Variants in RNF213 observed in about 807,000 individuals in gnomAD.
RNF213 encodes the protein ring finger protein 213, also known as E3 ubiquitin-protein ligase RNF213.
Under a neutral mutation model 514.4 loss-of-function variants are expected in RNF213, and 341 were observed. The observed-to-expected ratio is 0.66, with a 90% CI of 0.61 to 0.73. The LOEUF (loss-of-function observed/expected upper bound fraction) is 0.73, where lower values mean the gene tolerates loss of function less well. RNF213 is among the 30% of genes least tolerant of loss of function. The pLI, the probability that RNF213 is intolerant of heterozygous loss-of-function variation, is 0.00. For missense variants in RNF213, 5,767 were observed against 6,615.6 expected (o/e 0.87, Z 4.45); for synonymous variants, 2,655 against 2,658.2 (o/e 1.00, Z 0.04).
intron 3 of RNF213, among the ~76,000 whole-genome samples, chr17:80,280,480 G>T (rs957180716): frequency 1.3e-4 from 20 of 152,166 alleles, no homozygotes; most frequent in Non-Finnish European, 2.5e-4. Context: ...TTGAGGCAGG[G>T]TCTCGCCCTG....
chr17:80,352,468 G>A (rs572322791), intron 32 of RNF213: 3 of 451,756 alleles, frequency 6.6e-6, no homozygotes, highest in African/African-American at 3.9e-5. Flanking sequence ...GGCGGGGGTC[G>A]GACTATCTTC....
In RNF213 at chr17:80,389,358, C is replaced by T. The variant is rs749897143; in HGVS notation, c.15186C>T (p.His5062=). The change falls in exon 65 of 68, where the codon CAC becomes CAT. Residue 5062 remains histidine, a synonymous_variant. Transcript: ENST00000582970. The part of the protein sequence containing the change: ...DILQMGDQTI[H]VLKALNRCQL... ...TGCAAATGGGTGATCAGACGATTCA[C>T]GTGTTAAAGGTGGGTCTCACACCGA... 6.2e-6 allele frequency: 10 copies of T among 1,613,892 alleles called. No individual in the cohort carries two copies. The Admixed American group carries it at 8.3e-5, about 13-fold the overall frequency.
intron 2 of RNF213, among the ~76,000 whole-genome samples, chr17:80,267,652 G>C (rs2043653895): frequency 6.6e-6 from 1 of 152,126 alleles, no homozygotes; most frequent in Non-Finnish European, 1.5e-5. Flanking sequence ...CTGCAGAGAA[G>C]ATCTTGAAGC....
chr17:80,301,551 A>G (rs55874836), intron 11 of RNF213, among the ~76,000 whole-genome samples: 2,793 of 152,334 alleles, frequency 0.018, 76 homozygotes, highest in African/African-American at 0.063. Flanking sequence ...AAAAATGATC[A>G]GCATCATTAA....
chr17:80,342,744 T>TATAA (rs1491418749), intron 26 of RNF213, among the ~76,000 whole-genome samples: 2 of 145,840 alleles, frequency 1.4e-5, no homozygotes, highest in African/African-American at 2.5e-5. Flanking sequence ...TATATATATA[T>TATAA]TGTATGTATA....
At chr17:80,375,467 C>G (rs566756383) in intron 50 of RNF213, among the ~76,000 whole-genome samples, 1 of 151,642 alleles carries the variant, frequency 6.6e-6, no homozygotes, top group Admixed American at 6.6e-5. Flanking sequence ...TTTGGGAGGC[C>G]GAGGCATGCA....
At chr17:80,280,942 G>C (rs2044234805) in intron 3 of RNF213, among the ~76,000 whole-genome samples, 1 of 152,046 alleles carries the variant, frequency 6.6e-6, no homozygotes, top group African/African-American at 2.4e-5. Flanking sequence ...GTGAGCTGGA[G>C]TTAGGGCACT....
intron 20 of RNF213, among the ~76,000 whole-genome samples, chr17:80,329,957 A>G (rs2046370353): frequency 6.6e-6 from 1 of 152,072 alleles, no homozygotes; most frequent in South Asian, 2.1e-4. Flanking sequence ...CTCTTGCTGG[A>G]ATTCCTGTTA....
At chr17:80,269,225 T>A (rs2043714898) in intron 2 of RNF213, among the ~76,000 whole-genome samples, 1 of 152,138 alleles carries the variant, frequency 6.6e-6, no homozygotes, top group African/African-American at 2.4e-5. Flanking sequence ...GACTCAAATG[T>A]CAGTCTCCTC....
chr17:80,329,055 T>C (rs1041325090), intron 20 of RNF213, among the ~76,000 whole-genome samples: 1 of 152,252 alleles, frequency 6.6e-6, no homozygotes, highest in Non-Finnish European at 1.5e-5. Context: ...TCCTTGAAGA[T>C]CATTGGTTTG....
intron 3 of RNF213, among the ~76,000 whole-genome samples, chr17:80,273,947 C>T (rs1411065991): frequency 6.6e-6 from 1 of 152,084 alleles, no homozygotes; most frequent in Non-Finnish European, 1.5e-5. Context: ...TCTACCAGAC[C>T]CAATACTCGT....
At position 80,306,316 on chromosome 17, in the gene RNF213, C is replaced by T. The variant is rs751673127; in HGVS notation, c.2275C>T (p.Arg759Trp). 5 of 1,614,008 alleles carry T rather than the reference C, an allele frequency of 3.1e-6. No homozygotes were observed. The highest frequency in any genetic ancestry group is 4.2e-6 in the Non-Finnish European group (5 of 1,180,038). The change falls in exon 12 of 68, where the codon CGG becomes TGG. Residue 759 changes from arginine to tryptophan, a missense_variant. This residue lies in a region of RNF213 where 592 missense variants were observed against 673.9 expected (regional missense o/e 0.88). Transcript: ENST00000582970. ...GCTGAGCATAGACGAGCCTCTCTTC[C>T]GGTCCTGGTTTAGTCTGCTACCTCT... Reference protein sequence around the residue: ...HLLSIDEPLFRSWFSLLPLSH... With the variant: ...HLLSIDEPLFWSWFSLLPLSH...
chr17:80,310,823 A>G (rs2045546079), intron 14 of RNF213, among the ~76,000 whole-genome samples: 1 of 152,240 alleles, frequency 6.6e-6, no homozygotes. Context: ...AAGTGCTAGG[A>G]TTACAGGCAT....
intron 46 of RNF213, among the ~76,000 whole-genome samples, chr17:80,370,126 G>C (rs1568147023): frequency 6.6e-6 from 1 of 152,230 alleles, no homozygotes; most frequent in East Asian, 1.9e-4. Context: ...ACAGTGGCGT[G>C]AGGGACATGG....
In RNF213 at chr17:80,340,098, C is replaced by T; in HGVS notation, c.5731C>T (p.Leu1911Phe). 2 of 1,610,398 alleles carry T rather than the reference C, an allele frequency of 1.2e-6. No individual in the cohort carries two copies. The highest frequency in any genetic ancestry group is 2.2e-5 in the East Asian group (1 of 44,742). ...SYEVARQAEE[L>F]FHNLCTQQHR... is the part of the protein sequence containing the mutation. ...CGAGGTGGCACGCCAAGCGGAGGAG[C>T]TTTTCCACAATCTGTGCACGCAGCA... Residue 1911 changes from leucine (L) to phenylalanine (F), a missense_variant, in exon 26 of 68, where the codon CTT becomes TTT. By Grantham distance (22) the Leu-to-Phe change is conservative. Transcript: ENST00000582970.
At chr17:80,325,430 G>A (rs1432401573) in intron 18 of RNF213, among the ~76,000 whole-genome samples, 1 of 152,098 alleles carries the variant, frequency 6.6e-6, no homozygotes, top group Non-Finnish European at 1.5e-5. Context: ...GTACCCTAGC[G>A]ACTGTGCTGG....
Position 80,289,689 on chromosome 17 carries a change from G to C in RNF213, c.964G>C (p.Ala322Pro), listed in dbSNP as rs1320073857. The C allele has an allele frequency of 6.2e-7, 1 of 1,614,074 alleles. No individual in the cohort carries two copies. Among genetic ancestry groups the C allele is most frequent in the East Asian group, 2.2e-5 (1 of 44,884 alleles). Reference sequence around the variant, plus strand: ...TGAGACCAAGACCAAGGACGAGATGGCTGCTGCTGAAGAAAAAGTCGGTAA... The same window carrying C: ...TGAGACCAAGACCAAGGACGAGATGCCTGCTGCTGAAGAAAAAGTCGGTAA... Reference protein sequence around the residue: ...EAETKTKDEMAAAEEKVGKNE... With the variant: ...EAETKTKDEMPAAEEKVGKNE... Residue 322 changes from alanine to proline, a missense_variant, in exon 6 of 68, where the codon GCT becomes CCT. By Grantham distance (27) the Ala-to-Pro change is conservative. Around this residue, in one of 13 missense-constraint regions of RNF213, gnomAD observed 509 missense variants for 496.7 expected, o/e 1.02. Transcript: ENST00000582970.
In RNF213 at chr17:80,263,551, C is replaced by A. The variant is rs2043499516; in HGVS notation, c.-108-23C>A. On this transcript the variant is annotated intron_variant, in intron 1 of 67. Coordinates refer to ENST00000582970, the MANE Select transcript of RNF213 (RefSeq NM_001256071.3). This position sits in a 1 kb window ranked among gnomAD's most constrained non-coding sequence, Gnocchi z 4.9. ...TCCATTAACCAGGGGACCAGCTGGG[C>A]TGCTGTGATTTCACTTTCGCAGAAA... is the stretch of plus-strand genomic sequence containing the variant. 4 of 790,450 alleles carry A rather than the reference C, an allele frequency of 5.1e-6. No homozygotes were observed. Among genetic ancestry groups the A allele is most frequent in the Non-Finnish European group, 9.0e-6 (4 of 446,482 alleles). The allele number at this position is 790,450 out of a possible 1,614,324, so 49.0% of individuals were successfully genotyped here.
rs543462451 is a variant in RNF213, at chr17:80,398,579, G to C, written c.*5081G>C. On this transcript the variant is annotated 3_prime_UTR_variant, in exon 68 of 68. Transcript: ENST00000582970. ...CACCAGTTCCCGTACACAGACACTT[G>C]GTTACAGCTGGTTTTAGACTCCCCA... 6.6e-6 allele frequency: 1 copy of C among 152,184 alleles called. No homozygotes were observed. Among genetic ancestry groups the C allele is most frequent in the East Asian group, 1.9e-4 (1 of 5,162 alleles). 9.4% of individuals were successfully genotyped at this position (152,184 alleles called of 1,614,324 possible).
Sources: gnomAD v4.1 joint callset for allele counts (sites outside exome capture counted in the v4.1 genomes callset) on GRCh38, gnomAD v4.1.1 for gene constraint, gnomAD v4.1.1 regional missense constraint, Gnocchi (gnomAD v3.1) non-coding constraint, MANE v1.5 for transcripts, NCBI Gene and HGNC (gene_info 2026-07-23, HGNC 2026-07-21) for gene names.